The following CAPS2 variants were observed in gnomAD, a reference collection of about 807,000 sequenced individuals.
CAPS2 encodes the protein calcyphosine 2.
In CAPS2, 98 loss-of-function variants were observed where a neutral mutation model predicts 86.5. The ratio of observed to expected loss-of-function variants is 1.13; its 90% confidence interval spans 0.96 to 1.34. The LOEUF (loss-of-function observed/expected upper bound fraction) is 1.34, where lower values mean the gene tolerates loss of function less well. CAPS2 is among the 40% of genes most tolerant of loss of function. The pLI, the probability that CAPS2 is intolerant of heterozygous loss-of-function variation, is 0.00. For missense variants in CAPS2, 729 were observed against 686.8 expected (o/e 1.06, Z -0.69); for synonymous variants, 210 against 225.1 (o/e 0.93, Z 0.60).
Position 75,298,684 on chromosome 12 carries a change from T to C in CAPS2, c.1044+3A>G, listed in dbSNP as rs1030040631. The C allele has an allele frequency of 1.9e-6, 3 of 1,611,118 alleles. No homozygotes were observed. Among genetic ancestry groups the C allele is most frequent in the African/African-American group, 1.3e-5 (1 of 74,876 alleles). Reference sequence around the variant, plus strand: ...AATGTGTGCACACACACACACCACTTACAACATAAAAATCACCAAGTCGGT... The same window carrying C: ...AATGTGTGCACACACACACACCACTCACAACATAAAAATCACCAAGTCGGT... On this transcript the variant is annotated splice_donor_region_variant and intron_variant, in intron 11 of 16. Transcript: ENST00000393284.
chr12:75,310,703 G>C (rs1003977811), intron 7 of CAPS2, among the ~76,000 whole-genome samples: 3 of 151,942 alleles, frequency 2.0e-5, no homozygotes, highest in Non-Finnish European at 2.9e-5. Context: ...ACAGTTATAC[G>C]ACTCTGCTAA....
downstream of CAPS2, chr12:75,276,868 G>A: frequency 1.0e-6 from 1 of 973,388 alleles, no homozygotes; most frequent in South Asian, 4.8e-5. Flanking sequence ...ATTTTCAAAA[G>A]GTCTTTTAGA....
At chr12:75,390,770 A>T (rs2045548912) in intron 1 of CAPS2, 1 of 513,702 alleles carries the variant, frequency 1.9e-6, no homozygotes, top group African/African-American at 1.9e-5. Flanking sequence ...ACGACATATC[A>T]TTCAGTGTCA....
exon 17 of CAPS2, chr12:75,277,518 T>A (rs907291535): frequency 3.3e-6 from 3 of 919,986 alleles, no homozygotes; most frequent in East Asian, 1.2e-4. Flanking sequence ...ACCTAATTTT[T>A]AAAAAAATCA....
chr12:75,360,734 G>C (rs777249115), intron 1 of CAPS2: 8 of 152,194 alleles, frequency 5.3e-5, no homozygotes, highest in Non-Finnish European at 1.2e-4. Context: ...AGCTCCACTA[G>C]GCAGTGTGCC....
chr12:75,334,292 A>C (rs1419491993), upstream of CAPS2: 2 of 166,154 alleles, frequency 1.2e-5, no homozygotes, highest in Non-Finnish European at 2.5e-5. Context: ...TAGAACAATA[A>C]AAATCTATAC....
chr12:75,310,802 T>C (rs2039072079), intron 7 of CAPS2, among the ~76,000 whole-genome samples: 1 of 152,082 alleles, frequency 6.6e-6, no homozygotes, highest in Non-Finnish European at 1.5e-5. Context: ...GTGGCATTTG[T>C]AGAAGGACCT....
At chr12:75,372,635 C>T (rs923125279) in intron 1 of CAPS2, among the ~76,000 whole-genome samples, 1 of 152,092 alleles carries the variant, frequency 6.6e-6, no homozygotes, top group African/African-American at 2.4e-5. Flanking sequence ...GAAACTGTGC[C>T]ATATATTGGA....
At chr12:75,293,978 G>C (rs2138384066) in intron 11 of CAPS2, among the ~76,000 whole-genome samples, 1 of 152,216 alleles carries the variant, frequency 6.6e-6, no homozygotes, top group South Asian at 2.1e-4. Context: ...TGTCGCCCAG[G>C]CCGCAGTGCA....
chr12:75,319,412 T>C (rs1331014604), intron 5 of CAPS2, among the ~76,000 whole-genome samples: 2 of 152,130 alleles, frequency 1.3e-5, no homozygotes, highest in African/African-American at 4.8e-5. Flanking sequence ...GCATGCTCTC[T>C]TGCCTCCTAT....
At position 75,386,792 on chromosome 12, in the gene CAPS2, A is replaced by C. The variant is rs1443456219; in HGVS notation, c.-395+4046T>G. Among the ~76,000 whole-genome samples, 5 of 152,198 alleles carry C rather than the reference A, an allele frequency of 3.3e-5. No homozygotes were observed. In the East Asian group the frequency reaches 9.6e-4, roughly 29 times the overall value. ...CAACTGATCTTTGACAAAGGAGCAA[A>C]GGCAATATAATGGAGAAATGTAGTC... On this transcript the variant is annotated intron_variant, in intron 1 of 5. Coordinates refer to the CAPS2 transcript ENST00000551829.
chr12:75,311,097 A>G (rs2039111447), intron 7 of CAPS2, among the ~76,000 whole-genome samples: 1 of 152,196 alleles, frequency 6.6e-6, no homozygotes, highest in Admixed American at 6.5e-5. Context: ...AGGCTTCACT[A>G]TGATTAAAAT....
chr12:75,358,787 TAAC>T (rs1406436238), intron 1 of CAPS2, among the ~76,000 whole-genome samples: 3 of 143,986 alleles, frequency 2.1e-5, no homozygotes, highest in Non-Finnish European at 4.5e-5. Context: ...ATATAATATA[TAAC>T]AATATATAAT....
upstream of CAPS2, among the ~76,000 whole-genome samples, chr12:75,332,990 A>G (rs1427752858): frequency 6.6e-6 from 1 of 152,176 alleles, no homozygotes; most frequent in East Asian, 1.9e-4. Context: ...CTGAGGAGAG[A>G]GCATCCTTAT....
At chr12:75,316,312 T>C (rs1427430701) in exon 6 of CAPS2, 2 of 1,550,416 alleles carry the variant, frequency 1.3e-6, no homozygotes, top group Non-Finnish European at 1.7e-6. Flanking sequence ...GACAACTTAC[T>C]GCATCCAATT....
At chr12:75,389,876 C>A (rs2045486106) in intron 1 of CAPS2, among the ~76,000 whole-genome samples, 1 of 152,136 alleles carries the variant, frequency 6.6e-6, no homozygotes. Flanking sequence ...GGATCTGTGT[C>A]TTGTCTACTG....
chr12:75,390,316 T>A, intron 1 of CAPS2: 1 of 456,310 alleles, frequency 2.2e-6, no homozygotes, highest in South Asian at 1.5e-5. Flanking sequence ...AAGAGTTCGT[T>A]CTTACTGTGA....
intron 16 of CAPS2, 105 bp from the exon 17 acceptor site, chr12:75,279,170 T>A: frequency 1.9e-6 from 2 of 1,064,944 alleles, no homozygotes; most frequent in Non-Finnish European, 2.7e-6. Flanking sequence ...TTTCAACAAT[T>A]TGAAATCTTT....
At chr12:75,338,198 C>T (rs984418845) in intron 1 of CAPS2, among the ~76,000 whole-genome samples, 2 of 152,012 alleles carry the variant, frequency 1.3e-5, no homozygotes, top group African/African-American at 4.8e-5. Context: ...AAATCTTCAA[C>T]AAAATTATAA....
Sources: gnomAD v4.1 joint callset for allele counts (sites outside exome capture counted in the v4.1 genomes callset) on GRCh38, gnomAD v4.1.1 for gene constraint, MANE v1.5 for transcripts, NCBI Gene and HGNC (gene_info 2026-07-23, HGNC 2026-07-21) for gene names.